The following BLTP1 variants were observed in gnomAD, a reference collection of about 807,000 sequenced individuals.
The protein encoded by BLTP1 is fragile site-associated protein.
At chr4:122,286,463 T>C in the BLTP1 span, 1 of 1,578,700 alleles carries the variant, frequency 6.3e-7, no homozygotes, top group Non-Finnish European at 8.6e-7. Flanking sequence ...TTTTCTTAGA[T>C]ACCCTTTTTG....
At chr4:122,207,518 T>TTC in the BLTP1 span, 1 of 1,470,260 alleles carries the variant, frequency 6.8e-7, no homozygotes, top group African/African-American at 1.4e-5. Context: ...TTTCTTCTTT[T>TTC]TTTTTTTTTT....
At chr4:122,352,519 C>A in the BLTP1 span, among the ~76,000 whole-genome samples, 1 of 151,636 alleles carries the variant, frequency 6.6e-6, no homozygotes, top group Admixed American at 6.6e-5. Context: ...TCCACCGCAC[C>A]CAGCTAATTT....
the BLTP1 span, chr4:122,181,225 CAAATT>C: frequency 9.9e-6 from 9 of 907,100 alleles, no homozygotes; most frequent in Non-Finnish European, 1.2e-5. Flanking sequence ...CTATGATAAA[CAAATT>C]AGATGCGTTC....
the BLTP1 span, among the ~76,000 whole-genome samples, chr4:122,222,621 T>G: frequency 6.6e-6 from 1 of 152,138 alleles, no homozygotes; most frequent in Non-Finnish European, 1.5e-5. Context: ...CTCTGGTGGT[T>G]GCTAGCAATC....
At chr4:122,242,385 A>G in the BLTP1 span, among the ~76,000 whole-genome samples, 1 of 152,214 alleles carries the variant, frequency 6.6e-6, no homozygotes, top group East Asian at 1.9e-4. Flanking sequence ...CTAAAAGACA[A>G]ATACCTCATG....
At chr4:122,296,019 G>T in the BLTP1 span, among the ~76,000 whole-genome samples, 1 of 152,106 alleles carries the variant, frequency 6.6e-6, no homozygotes, top group African/African-American at 2.4e-5. Flanking sequence ...TTGAAAACTG[G>T]CACAAGACAA....
At chr4:122,229,626 C>T in the BLTP1 span, 1 of 693,248 alleles carries the variant, frequency 1.4e-6, no homozygotes. Context: ...GATTGTAGTG[C>T]AAAATCAAGC....
At chr4:122,190,530 A>G in the BLTP1 span, 1 of 759,350 alleles carries the variant, frequency 1.3e-6, no homozygotes, top group East Asian at 1.3e-4. Flanking sequence ...AAAATATCTG[A>G]AAAATATCTG....
the BLTP1 span, chr4:122,238,073 C>G: frequency 1.2e-5 from 19 of 1,609,880 alleles, no homozygotes; most frequent in Non-Finnish European, 1.5e-5. Flanking sequence ...TTCACTTAAC[C>G]CACCTTTTGT....
chr4:122,200,860 C>A, the BLTP1 span: 1 of 1,238,306 alleles, frequency 8.1e-7, no homozygotes, highest in Non-Finnish European at 1.1e-6. Flanking sequence ...TCAGCCACAG[C>A]AATATTAAAG....
the BLTP1 span, among the ~76,000 whole-genome samples, chr4:122,233,277 C>T: frequency 6.6e-6 from 1 of 152,212 alleles, no homozygotes; most frequent in Non-Finnish European, 1.5e-5. Context: ...CCACATTTTG[C>T]ATCTCAGGTG....
the BLTP1 span, among the ~76,000 whole-genome samples, chr4:122,311,749 CAAAAT>C: frequency 6.6e-6 from 1 of 152,032 alleles, no homozygotes; most frequent in African/African-American, 2.4e-5. Context: ...TGTATTCAGA[CAAAAT>C]AAACCATCAG....
At chr4:122,210,036 A>T in the BLTP1 span, 1 of 1,412,840 alleles carries the variant, frequency 7.1e-7, no homozygotes, top group Non-Finnish European at 9.4e-7. Context: ...ACATAGTATA[A>T]ATATAGTCTT....
the BLTP1 span, chr4:122,276,356 C>A: frequency 1.4e-6 from 1 of 727,844 alleles, no homozygotes; most frequent in African/African-American, 1.9e-5. Flanking sequence ...TTAAAAAATT[C>A]ACTTTGCAAG....
chr4:122,182,290 T>C, the BLTP1 span, among the ~76,000 whole-genome samples: 4 of 152,174 alleles, frequency 2.6e-5, no homozygotes, highest in Non-Finnish European at 5.9e-5. Flanking sequence ...TGTATGAATC[T>C]GAAGTAGTGA....
the BLTP1 span, among the ~76,000 whole-genome samples, chr4:122,215,757 T>C: frequency 6.6e-6 from 1 of 152,164 alleles, no homozygotes; most frequent in Non-Finnish European, 1.5e-5. Context: ...AGTTCTTTAG[T>C]GGTGATTTCT....
the BLTP1 span, among the ~76,000 whole-genome samples, chr4:122,163,107 A>G: frequency 5.9e-5 from 9 of 152,206 alleles, no homozygotes; most frequent in Non-Finnish European, 1.3e-4. Flanking sequence ...TATAAATAAT[A>G]AAAACACAGT....
At chr4:122,305,886 G>T in the BLTP1 span, 2 of 1,579,392 alleles carry the variant, frequency 1.3e-6, no homozygotes, top group Admixed American at 1.9e-5. Context: ...GGTTTATGAG[G>T]AAGCTGGTTC....
At chr4:122,195,120 A>G in the BLTP1 span, among the ~76,000 whole-genome samples, 1 of 152,186 alleles carries the variant, frequency 6.6e-6, no homozygotes, top group Non-Finnish European at 1.5e-5. Flanking sequence ...CATAAGGCAT[A>G]CAGAAAGAAA....
Sources: gnomAD v4.1 joint callset for allele counts (sites outside exome capture counted in the v4.1 genomes callset) on GRCh38, gnomAD v4.1.1 for gene constraint, MANE v1.5 for transcripts, NCBI Gene and HGNC (gene_info 2026-07-23, HGNC 2026-07-21) for gene names.